Variants in GRAMD1B observed in about 807,000 individuals in gnomAD.
GRAMD1B encodes protein Aster-B.
Under a neutral mutation model 99.7 loss-of-function variants are expected in GRAMD1B, and 37 were observed. That is an observed-to-expected ratio of 0.37 (90% confidence interval 0.29 to 0.49). GRAMD1B has a LOEUF of 0.49. Among genes scored for constraint, GRAMD1B ranks in the 20% least tolerant of loss-of-function variants. GRAMD1B has a pLI of 0.98. For missense variants in GRAMD1B, 888 were observed against 1,009.2 expected (o/e 0.88, Z 1.63); for synonymous variants, 427 against 387.6 (o/e 1.10, Z -1.19).
At chr11:123,464,810 G>A (rs993934270) in intron 1 of GRAMD1B, among the ~76,000 whole-genome samples, 2 of 152,172 alleles carry the variant, frequency 1.3e-5, no homozygotes, top group African/African-American at 4.8e-5. Flanking sequence ...GTGATAGATC[G>A]AAGGTAGGGA....
intron 2 of GRAMD1B, among the ~76,000 whole-genome samples, chr11:123,502,665 A>G (rs1591731646): frequency 6.6e-6 from 1 of 151,640 alleles, no homozygotes; most frequent in East Asian, 1.9e-4. Context: ...ATCCCAGCTA[A>G]TCGGGAGGCT....
chr11:123,589,685 C>T (rs1475521632), intron 4 of GRAMD1B, among the ~76,000 whole-genome samples: 2 of 150,666 alleles, frequency 1.3e-5, no homozygotes, highest in Non-Finnish European at 2.9e-5. Context: ...TGGTCTCACA[C>T]TCCTGACCTA....
Position 123,601,515 on chromosome 11 carries a change from ATGTGTGTGTG to A in GRAMD1B, c.1050+989_1050+998del, listed in dbSNP as rs4063751. Among the ~76,000 whole-genome samples, 67 of 148,920 alleles carry A rather than the reference ATGTGTGTGTG, an allele frequency of 4.5e-4. No individual in the cohort carries two copies. In the South Asian group the frequency reaches 0.013, roughly 28 times the overall value. On this transcript the variant is annotated intron_variant, in intron 8 of 19. Coordinates refer to ENST00000635736, the MANE Select transcript of GRAMD1B (RefSeq NM_001387025.1). The stretch of plus-strand genomic sequence containing the variant: ...AATGTTTCCCCCAGGATTAATTTTT[ATGTGTGTGTG>A]TGTGTGTGTGTGTGTGTGTGTATGA...
intron 1 of GRAMD1B, among the ~76,000 whole-genome samples, chr11:123,366,025 T>A (rs1285633783): frequency 6.6e-6 from 1 of 152,220 alleles, no homozygotes; most frequent in Non-Finnish European, 1.5e-5. Flanking sequence ...GGCAAATCTC[T>A]TAGGATTTAA....
intron 1 of GRAMD1B, chr11:123,460,385 T>C (rs1349258231): frequency 6.6e-6 from 1 of 152,042 alleles, no homozygotes; most frequent in Admixed American, 6.6e-5. Context: ...TCAAAATCCT[T>C]TTTATGTTCT....
intron 3 of GRAMD1B, among the ~76,000 whole-genome samples, chr11:123,583,408 G>A (rs1949681338): frequency 6.6e-6 from 1 of 151,706 alleles, no homozygotes; most frequent in Non-Finnish European, 1.5e-5. Context: ...GTGTGTGTGT[G>A]TCTGTGTATA....
Position 123,618,807 on chromosome 11 carries a change from C to G in GRAMD1B, c.2426+7C>G. 7.1e-7 allele frequency: 1 copy of G among 1,401,726 alleles called. No individual in the cohort carries two copies. Among genetic ancestry groups the G allele is most frequent in the Non-Finnish European group, 9.9e-7 (1 of 1,006,716 alleles). The allele number at this position is 1,401,726 out of a possible 1,614,324, so 86.8% of individuals were successfully genotyped here. A position where few individuals can be genotyped will look rare whatever the true frequency, so the allele number is the denominator to read the frequency against. On this transcript the variant is annotated splice_region_variant and intron_variant, in intron 18 of 19. Coordinates refer to ENST00000635736, the MANE Select transcript of GRAMD1B (RefSeq NM_001387025.1). ...GTCTAAGGCTCCAAGAAAGGTAATC[C>G]TGGCCTCGTCCCCTCACCTCCACCT...
intron 1 of GRAMD1B, among the ~76,000 whole-genome samples, chr11:123,362,878 G>T (rs1343102370): frequency 6.6e-6 from 1 of 152,132 alleles, no homozygotes; most frequent in Non-Finnish European, 1.5e-5. Context: ...CCTGGTGAGG[G>T]TGCTGGAAGC....
intron 1 of GRAMD1B, among the ~76,000 whole-genome samples, chr11:123,433,675 C>T (rs1045668612): frequency 1.0e-5 from 1 of 97,002 alleles, no homozygotes; most frequent in African/African-American, 4.2e-5. Context: ...TAAAATGTTA[C>T]GTGCGTGTGT....
At chr11:123,565,868 A>C (rs898402879) in intron 2 of GRAMD1B, among the ~76,000 whole-genome samples, 8 of 152,240 alleles carry the variant, frequency 5.3e-5, no homozygotes, top group Non-Finnish European at 1.5e-5. Flanking sequence ...TCTCAGGAAA[A>C]GGAAATTATA....
intron 1 of GRAMD1B, among the ~76,000 whole-genome samples, chr11:123,415,435 A>C (rs1413820171): frequency 6.6e-6 from 1 of 151,416 alleles, no homozygotes; most frequent in Non-Finnish European, 1.5e-5. Flanking sequence ...ATTTATCTGA[A>C]ATTCCAAAGG....
rs1555112792 is a variant in GRAMD1B at position 123,625,973 on chromosome 11, A to ATCGAGAGAGATC, written c.*3378_*3379insTCGAGAGAGATC. 7.2e-6 allele frequency: 1 copy of ATCGAGAGAGATC among 139,748 alleles called. No individual in the cohort carries two copies. Among genetic ancestry groups the ATCGAGAGAGATC allele is most frequent in the African/African-American group, 2.6e-5 (1 of 38,420 alleles). 8.7% of individuals were successfully genotyped at this position (139,748 alleles called of 1,614,324 possible). The stretch of plus-strand genomic sequence containing the variant: ...GAGAGAGAGAGAGAGAGAGAGAGAG[A>ATCGAGAGAGATC]GAGAGAGATCGAGCTTGATGTATTG... On this transcript the variant is annotated 3_prime_UTR_variant, in exon 20 of 20. Transcript: ENST00000635736.
Position 123,612,669 on chromosome 11 carries a change from G to A in GRAMD1B, c.1920-92G>A, listed in dbSNP as rs144975766. 6.6e-4 allele frequency: 487 copies of A among 738,602 alleles called. 4 individuals carry two copies. The East Asian group carries it at 0.013, about 19-fold the overall frequency. 45.8% of individuals were successfully genotyped at this position (738,602 alleles called of 1,614,324 possible). On this transcript the variant is annotated intron_variant, in intron 14 of 19. Coordinates refer to ENST00000635736, the MANE Select transcript of GRAMD1B (RefSeq NM_001387025.1). Reference sequence around the variant, plus strand: ...TTGTAAAGTTTAGTACAAATGTGAAGCGGATCTGGCCTTAACTCCGAATTT... The same window carrying A: ...TTGTAAAGTTTAGTACAAATGTGAAACGGATCTGGCCTTAACTCCGAATTT...
intron 7 of GRAMD1B, among the ~76,000 whole-genome samples, chr11:123,597,614 A>G (rs182855446): frequency 4.6e-5 from 7 of 152,198 alleles, no homozygotes; most frequent in Admixed American, 3.3e-4. Flanking sequence ...GATGTGTAGC[A>G]TAACAGGTGC....
At chr11:123,402,070 C>T (rs1947682577) in intron 1 of GRAMD1B, among the ~76,000 whole-genome samples, 1 of 152,176 alleles carries the variant, frequency 6.6e-6, no homozygotes, top group Non-Finnish European at 1.5e-5. Flanking sequence ...GGTTGGAGTA[C>T]AAGGGTGCAA....
At chr11:123,481,410 C>T (rs1168434873) in intron 2 of GRAMD1B, among the ~76,000 whole-genome samples, 2 of 152,102 alleles carry the variant, frequency 1.3e-5, no homozygotes, top group African/African-American at 4.8e-5. Flanking sequence ...GCCAAGATCG[C>T]GCTACTGCAC....
intron 2 of GRAMD1B, among the ~76,000 whole-genome samples, chr11:123,493,802 G>A (rs1938892876): frequency 6.6e-6 from 1 of 152,150 alleles, no homozygotes; most frequent in African/African-American, 2.4e-5. Flanking sequence ...CAGGAACAAT[G>A]TTGTTAATAG....
At chr11:123,453,234 A>G (rs1170390862) in intron 1 of GRAMD1B, among the ~76,000 whole-genome samples, 1 of 152,100 alleles carries the variant, frequency 6.6e-6, no homozygotes, top group Non-Finnish European at 1.5e-5. Flanking sequence ...ACATGCAGAA[A>G]CATAAACGTT....
chr11:123,501,425 C>T (rs545783705), intron 2 of GRAMD1B, among the ~76,000 whole-genome samples: 10 of 152,278 alleles, frequency 6.6e-5, no homozygotes, highest in African/African-American at 2.2e-4. Flanking sequence ...CCTGCCTAGG[C>T]CTCCCAAAGA....
Sources: allele counts gnomAD v4.1 joint callset (sites outside exome capture counted in the v4.1 genomes callset), GRCh38; gene constraint gnomAD v4.1.1; transcripts MANE v1.5; gene names NCBI Gene and HGNC (gene_info 2026-07-23, HGNC 2026-07-21).